Variants in ENOPH1 observed in about 807,000 individuals in gnomAD.
ENOPH1 encodes the protein enolase-phosphatase 1.
ENOPH1 carries 14 observed loss-of-function variants against 31.1 expected under a neutral mutation model. The observed-to-expected ratio is 0.45, with a 90% CI of 0.30 to 0.70. The LOEUF is 0.70. Among genes scored for constraint, ENOPH1 ranks in the 30% least tolerant of loss-of-function variants. The pLI is 0.09. For missense variants in ENOPH1, 243 were observed against 321.5 expected, an observed-to-expected ratio of 0.76 and a Z score of 1.87; for synonymous variants, 127 against 123.2, an observed-to-expected ratio of 1.03 and a Z score of -0.21.
At chr4:82,443,096 C>T (rs775702245) in intron 1 of ENOPH1, among the ~76,000 whole-genome samples, 18 of 152,214 alleles carry the variant, frequency 1.2e-4, no homozygotes, top group Middle Eastern at 3.4e-3. Context: ...GGAGCCACCG[C>T]GCCCGGGCGT....
chr4:82,432,765 G>A (rs903139464), intron 1 of ENOPH1, among the ~76,000 whole-genome samples: 1 of 152,092 alleles, frequency 6.6e-6, no homozygotes, highest in South Asian at 2.1e-4. Context: ...TCAGCCTTCC[G>A]AGTAGCTGAG....
rs148959951 is a variant in ENOPH1, at chr4:82,438,391, C to T, written c.84+7478C>T. Among the ~76,000 whole-genome samples, 947 of 152,282 alleles carry T rather than the reference C, an allele frequency of 6.2e-3. 9 individuals carry two copies. The highest frequency in any genetic ancestry group is 0.021 in the African/African-American group (886 of 41,576). ...AAAAGGGGTTGGGCATGGTGGCTCA[C>T]ACCTGTAATCCCAGCACTTTGGAAG... On this transcript the variant is annotated intron_variant, in intron 1 of 5. Transcript: ENST00000273920.
intron 1 of ENOPH1, among the ~76,000 whole-genome samples, chr4:82,431,823 T>C (rs1721771382): frequency 6.6e-6 from 1 of 152,104 alleles, no homozygotes; most frequent in African/African-American, 2.4e-5. Flanking sequence ...TATTACCAAG[T>C]AGGAAAAATC....
intron 4 of ENOPH1, among the ~76,000 whole-genome samples, chr4:82,456,192 TA>T (rs1057297543): frequency 4.9e-4 from 68 of 139,464 alleles, no homozygotes; most frequent in African/African-American, 1.0e-3. Flanking sequence ...GTTTTAACTT[TA>T]AAAAAAAAAA....
chr4:82,436,075 C>T (rs1721897349), intron 1 of ENOPH1, among the ~76,000 whole-genome samples: 1 of 152,092 alleles, frequency 6.6e-6, no homozygotes, highest in Non-Finnish European at 1.5e-5. Flanking sequence ...TTCCTGAAAC[C>T]CACCATGCTC....
At chr4:82,446,421 C>CA (rs367842264) in intron 1 of ENOPH1, among the ~76,000 whole-genome samples, 16,406 of 142,312 alleles carry the variant, frequency 0.12, 1,070 homozygotes, top group African/African-American at 0.19. Context: ...GACTCCATCT[C>CA]AAAAAAAAAA....
At chr4:82,453,397 C>T (rs2110046296) in intron 3 of ENOPH1, among the ~76,000 whole-genome samples, 1 of 152,274 alleles carries the variant, frequency 6.6e-6, no homozygotes, top group East Asian at 1.9e-4. Context: ...GGAATATCAG[C>T]CAGGTTCACT....
intron 2 of ENOPH1, among the ~76,000 whole-genome samples, chr4:82,448,767 C>CA (rs1722264105): frequency 6.6e-6 from 1 of 151,384 alleles, no homozygotes; most frequent in Non-Finnish European, 1.5e-5. Context: ...ACTAAAAATA[C>CA]AAAAAATTAG....
At position 82,460,249 on chromosome 4, in the gene ENOPH1, G is replaced by A; in HGVS notation, c.*129G>A. The A allele has an allele frequency of 1.1e-6, 1 of 877,430 alleles. No homozygotes were observed. The highest frequency in any genetic ancestry group is 2.6e-5 in the East Asian group (1 of 38,588). 54.4% of individuals were successfully genotyped at this position (877,430 alleles called of 1,614,324 possible). Reference sequence around the variant, plus strand: ...CATATGTATGCAAGTATGTATATATGTGTATGCTCAGATTAACTTCCATAG... The same window carrying A: ...CATATGTATGCAAGTATGTATATATATGTATGCTCAGATTAACTTCCATAG... On this transcript the variant is annotated 3_prime_UTR_variant, in exon 6 of 6. Coordinates refer to ENST00000273920, the MANE Select transcript of ENOPH1 (RefSeq NM_021204.5).
intron 1 of ENOPH1, among the ~76,000 whole-genome samples, chr4:82,437,427 C>A (rs1262846232): frequency 1.3e-5 from 2 of 152,206 alleles, no homozygotes; most frequent in African/African-American, 4.8e-5. Context: ...CCTCTCTTTA[C>A]ACTTTACATA....
intron 1 of ENOPH1, among the ~76,000 whole-genome samples, chr4:82,437,870 C>T (rs1721947695): frequency 6.6e-6 from 1 of 152,158 alleles, no homozygotes; most frequent in Non-Finnish European, 1.5e-5. Context: ...GACTGGGATT[C>T]AGTTTCTTCC....
At chr4:82,457,116 A>G in intron 5 of ENOPH1, 78 bp downstream of exon 5, 1 of 1,342,526 alleles carries the variant, frequency 7.4e-7, no homozygotes, top group South Asian at 1.6e-5. Context: ...GCCTCTTTAA[A>G]GAAACTTTAT....
At chr4:82,447,396 A>G (rs1722224549) in intron 1 of ENOPH1, among the ~76,000 whole-genome samples, 1 of 152,182 alleles carries the variant, frequency 6.6e-6, no homozygotes, top group South Asian at 2.1e-4. Context: ...TATGGACACC[A>G]TTCTTTTCAG....
rs1041150631 is a variant in ENOPH1 at position 82,430,730 on chromosome 4, C to T, written c.-100C>T. 2.0e-5 allele frequency: 23 copies of T among 1,126,318 alleles called. No homozygotes were observed. Among genetic ancestry groups the T allele is most frequent in the Non-Finnish European group, 3.0e-5 (23 of 765,374 alleles). The allele number at this position is 1,126,318 out of a possible 1,614,324, so 69.8% of individuals were successfully genotyped here. A position where few individuals can be genotyped will look rare whatever the true frequency, so the allele number is the denominator to read the frequency against. The stretch of plus-strand genomic sequence containing the variant: ...CGCTGGCTCCGAGATCGCGCGGGGC[C>T]GCCGGAAGCCCAAGACGGTACCGGG... On this transcript the variant is annotated 5_prime_UTR_variant, in exon 1 of 6. Transcript: ENST00000273920.
At chr4:82,453,378 A>G (rs1722404737) in intron 3 of ENOPH1, among the ~76,000 whole-genome samples, 1 of 152,222 alleles carries the variant, frequency 6.6e-6, no homozygotes, top group Admixed American at 6.5e-5. Context: ...AGGATATGCC[A>G]GTGATCTGGG....
chr4:82,436,516 T>C (rs554668887), intron 1 of ENOPH1, among the ~76,000 whole-genome samples: 30 of 151,976 alleles, frequency 2.0e-4, no homozygotes, highest in African/African-American at 6.8e-4. Context: ...CATGACCTCG[T>C]CTCTACTAAA....
chr4:82,447,089 G>A (rs1011357350), intron 1 of ENOPH1, among the ~76,000 whole-genome samples: 2 of 147,340 alleles, frequency 1.4e-5, no homozygotes, highest in Admixed American at 6.8e-5. Flanking sequence ...AGGTTCAAGC[G>A]ATTCTCCTGC....
At chr4:82,430,955 AAC>A (rs781687450) in intron 1 of ENOPH1, 42 bp downstream of exon 1, 5 of 1,568,798 alleles carry the variant, frequency 3.2e-6, no homozygotes, top group South Asian at 1.1e-5. Flanking sequence ...TTTCCTTAAA[AAC>A]AGTTATTATT....
At chr4:82,445,128 T>G (rs2110041548) in intron 1 of ENOPH1, among the ~76,000 whole-genome samples, 1 of 152,192 alleles carries the variant, frequency 6.6e-6, no homozygotes, top group South Asian at 2.1e-4. Flanking sequence ...CTCAGGAGGA[T>G]GAGGTGGGAC....
Sources: allele counts gnomAD v4.1 joint callset (sites outside exome capture counted in the v4.1 genomes callset), GRCh38; gene constraint gnomAD v4.1.1; transcripts MANE v1.5; gene names NCBI Gene and HGNC (gene_info 2026-07-23, HGNC 2026-07-21).